CLDN11: variants seen among roughly 807,000 people sequenced by gnomAD.
The protein encoded by CLDN11 is claudin-11.
CLDN11 carries 1 observed loss-of-function variant against 18.0 expected under a neutral mutation model. The ratio of observed to expected loss-of-function variants is 0.06; its 90% confidence interval spans 0.02 to 0.26. CLDN11 has a LOEUF of 0.26. Among genes scored for constraint, CLDN11 ranks in the 10% least tolerant of loss-of-function variants. The pLI, the probability that CLDN11 is intolerant of heterozygous loss-of-function variation, is 1.00. For synonymous variants in CLDN11, 116 were observed against 121.5 expected, an observed-to-expected ratio of 0.96 and a Z score of 0.30; for missense variants, 172 against 276.6, an observed-to-expected ratio of 0.62 and a Z score of 2.68.
chr3:170,426,603 G>A (rs374608617), intron 2 of CLDN11, among the ~76,000 whole-genome samples: 1 of 152,172 alleles, frequency 6.6e-6, no homozygotes, highest in African/African-American at 2.4e-5. Flanking sequence ...GAACAATAAC[G>A]CCTGCTTCTC....
chr3:170,429,735 T>C (rs1738950104), intron 2 of CLDN11, among the ~76,000 whole-genome samples: 1 of 152,222 alleles, frequency 6.6e-6, no homozygotes, highest in Admixed American at 6.5e-5. Flanking sequence ...TATGATTTGC[T>C]TAAGGGAACA....
chr3:170,429,495 A>C (rs964806755), intron 2 of CLDN11, among the ~76,000 whole-genome samples: 7 of 152,208 alleles, frequency 4.6e-5, no homozygotes, highest in African/African-American at 1.2e-4. Context: ...TGTAGAATTG[A>C]AATGAGACTA....
At position 170,433,586 on chromosome 3, in the gene CLDN11, G is replaced by A. The variant is rs1463791217; in HGVS notation, c.*830G>A. On this transcript the variant is annotated 3_prime_UTR_variant, in exon 3 of 3. Transcript: ENST00000064724. ...GGGGGAGGGAGGGCAATAGTGGAAC[G>A]AACTTTCCATGGGAAACTTTCCCTT... The A allele has an allele frequency of 2.0e-5, 3 of 152,556 alleles. No homozygotes were observed. The highest frequency in any genetic ancestry group is 2.9e-5 in the Non-Finnish European group (2 of 68,014). 9.5% of individuals were successfully genotyped at this position (152,556 alleles called of 1,614,324 possible).
rs1739057019 is a variant in CLDN11, at chr3:170,433,325, G to A, written c.*569G>A. ...CCAGCTAATTTTTAAGTTTTTTATA[G>A]AGATGAGGGCTCCCTATGTTGCCCA... is the stretch of plus-strand genomic sequence containing the variant. On this transcript the variant is annotated 3_prime_UTR_variant, in exon 3 of 3. Coordinates refer to ENST00000064724, the MANE Select transcript of CLDN11 (RefSeq NM_005602.6). The A allele has an allele frequency of 6.6e-6, 1 of 151,626 alleles. No homozygotes were observed. 9.4% of individuals were successfully genotyped at this position (151,626 alleles called of 1,614,324 possible).
chr3:170,432,961 A>G lies in CLDN11; in HGVS notation c.*205A>G. The G allele has an allele frequency of 1.8e-6, 1 of 567,956 alleles. No homozygotes were observed. The allele number at this position is 567,956 out of a possible 1,614,324, so 35.2% of individuals were successfully genotyped here. On this transcript the variant is annotated 3_prime_UTR_variant, in exon 3 of 3. Coordinates refer to ENST00000064724, the MANE Select transcript of CLDN11 (RefSeq NM_005602.6). ...GCCTTAAAAGAAATCTCTAGCTCAGATAATGCCCAGACATTTTTTTCCCTT... is the reference window on the plus strand; with the variant it reads ...GCCTTAAAAGAAATCTCTAGCTCAGGTAATGCCCAGACATTTTTTTCCCTT...
At chr3:170,421,057 TCTC>T (rs1215613814) in intron 1 of CLDN11, among the ~76,000 whole-genome samples, 2 of 151,554 alleles carry the variant, frequency 1.3e-5, no homozygotes, top group African/African-American at 4.8e-5. Flanking sequence ...TTTGTTTTCT[TCTC>T]CTGAAATTAA....
chr3:170,423,910 T>C (rs1439076936), intron 2 of CLDN11, among the ~76,000 whole-genome samples: 4 of 151,400 alleles, frequency 2.6e-5, no homozygotes, highest in Admixed American at 6.6e-5. Context: ...TAATCCCAGC[T>C]ACTCGGGGCG....
intron 1 of CLDN11, chr3:170,421,181 C>A: frequency 1.8e-6 from 1 of 564,044 alleles, no homozygotes; most frequent in Non-Finnish European, 2.2e-6. Flanking sequence ...GGCGCTAGTC[C>A]TTCCTGCCTT....
In CLDN11 at chr3:170,433,074, A is replaced by G. The variant is rs1739043054; in HGVS notation, c.*318A>G. ...ATATATTTTGTTTCTTTAAATTTCA[A>G]ATGTTTTGCAAACATCACTGAGTTA... is the stretch of plus-strand genomic sequence containing the variant. On this transcript the variant is annotated 3_prime_UTR_variant, in exon 3 of 3. Coordinates refer to ENST00000064724, the MANE Select transcript of CLDN11 (RefSeq NM_005602.6). The G allele has an allele frequency of 6.7e-6, 1 of 150,304 alleles. No individual in the cohort carries two copies. Among genetic ancestry groups the G allele is most frequent in the Non-Finnish European group, 1.4e-5 (1 of 69,672 alleles). The allele number at this position is 150,304 out of a possible 1,614,324, so 9.3% of individuals were successfully genotyped here.
At chr3:170,420,837 G>T (rs947808378) in intron 1 of CLDN11, among the ~76,000 whole-genome samples, 5 of 152,162 alleles carry the variant, frequency 3.3e-5, no homozygotes, top group Non-Finnish European at 7.3e-5. Context: ...GGTGAGGGGG[G>T]ACAAATTGCT....
At position 170,419,731 on chromosome 3, in the gene CLDN11, C is replaced by T. The variant is rs994422690; in HGVS notation, c.226+439C>T. On this transcript the variant is annotated intron_variant, in intron 1 of 2. Coordinates refer to ENST00000064724, the MANE Select transcript of CLDN11 (RefSeq NM_005602.6). This position sits in a 1 kb window ranked among gnomAD's most constrained non-coding sequence, Gnocchi z 8.6. ...AGAAGGAGCGTGTAACACAAGCTGA[C>T]AGGAGAATCGAACCGGCTCAGGCTG... Among the ~76,000 whole-genome samples the T allele has an allele frequency of 2.0e-5, 3 of 152,254 alleles. No homozygotes were observed. The highest frequency in any genetic ancestry group is 7.2e-5 in the African/African-American group (3 of 41,468).
chr3:170,423,174 G>T lies in CLDN11; in HGVS notation c.238G>T (p.Ala80Ser). ...TCTCTTGTTCCCAGGCTACGTGCAG[G>T]CCTGCCGCGCCCTGATGATTGCTGC... The part of the protein sequence containing the change: ...DILILPGYVQ[A>S]CRALMIAASV... Residue 80 changes from alanine (A) to serine (S), a missense_variant, in exon 2 of 3, where the codon GCC becomes TCC. This residue lies in a region of CLDN11 where 161 missense variants were observed against 240.3 expected (regional missense o/e 0.67). Transcript: ENST00000064724. 6.2e-7 allele frequency: 1 copy of T among 1,614,224 alleles called. No individual in the cohort carries two copies. The highest frequency in any genetic ancestry group is 8.5e-7 in the Non-Finnish European group (1 of 1,180,034).
chr3:170,425,506 A>G (rs1738832168), intron 2 of CLDN11, among the ~76,000 whole-genome samples: 1 of 152,238 alleles, frequency 6.6e-6, no homozygotes, highest in Non-Finnish European at 1.5e-5. Flanking sequence ...GGAAAAAGCA[A>G]CCGGTGGTTT....
chr3:170,420,395 G>T (rs573273101), intron 1 of CLDN11, among the ~76,000 whole-genome samples: 1 of 152,238 alleles, frequency 6.6e-6, no homozygotes, highest in Admixed American at 6.5e-5. Context: ...CCCTGAAGCC[G>T]CCAGTCAGAT....
chr3:170,426,698 A>G (rs922286856), intron 2 of CLDN11, among the ~76,000 whole-genome samples: 1 of 152,206 alleles, frequency 6.6e-6, no homozygotes, highest in Non-Finnish European at 1.5e-5. Context: ...AATGGTTGCT[A>G]TTATTATTGT....
At chr3:170,432,422 T>C in intron 2 of CLDN11, 102 bp from the exon 3 acceptor site, 1 of 1,547,092 alleles carries the variant, frequency 6.5e-7, no homozygotes. Context: ...TTTTTGGAGC[T>C]GGTTGGAAGC....
chr3:170,427,143 C>A (rs773189189), intron 2 of CLDN11, among the ~76,000 whole-genome samples: 4 of 152,184 alleles, frequency 2.6e-5, no homozygotes, highest in Non-Finnish European at 5.9e-5. Flanking sequence ...CAGTGATCAA[C>A]TCATGGCTGT....
chr3:170,419,205 C>G lies in CLDN11; in HGVS notation c.139C>G (p.Leu47Val). 1 of 1,568,814 alleles carries G rather than the reference C, an allele frequency of 6.4e-7. No homozygotes were observed. The highest frequency in any genetic ancestry group is 8.6e-7 in the Non-Finnish European group (1 of 1,157,040). The change falls in exon 1 of 3, where the codon CTG (leucine) becomes GTG (valine). Residue 47 changes from leucine to valine, a missense_variant. Leu to Val is a conservative substitution (Grantham distance 32). This residue lies in a region of CLDN11 where 161 missense variants were observed against 240.3 expected (regional missense o/e 0.67). Coordinates refer to ENST00000064724, the MANE Select transcript of CLDN11 (RefSeq NM_005602.6). The surrounding 1 kb of genome is among the most constrained non-coding windows in gnomAD (Gnocchi z 8.6). ...CCCCACCTGCCGCAAGCTGGATGAG[C>G]TGGGCTCCAAGGGGCTGTGGGCCGA... ...TIPTCRKLDE[L>V]GSKGLWADCV... is the part of the protein sequence containing the mutation.
chr3:170,434,279 T>G lies in CLDN11; in HGVS notation c.*1523T>G, dbSNP rs1435003784. 6.6e-6 allele frequency among the ~76,000 whole-genome samples: 1 copy of G among 152,216 alleles called. No individual in the cohort carries two copies. The stretch of plus-strand genomic sequence containing the variant: ...ACGGTATTGCAGTGGTAATTTGTGG[T>G]CATGAAAGCATAACCTCAGTGCTCT... On this transcript the variant is annotated 3_prime_UTR_variant, in exon 3 of 3. Transcript: ENST00000064724.
Sources: allele counts gnomAD v4.1 joint callset (sites outside exome capture counted in the v4.1 genomes callset), GRCh38; gene constraint gnomAD v4.1.1; regional missense constraint gnomAD v4.1.1; non-coding constraint Gnocchi (gnomAD v3.1); transcripts MANE v1.5; gene names NCBI Gene and HGNC (gene_info 2026-07-23, HGNC 2026-07-21).